The following PTGER3 variants were observed in gnomAD, a reference collection of about 807,000 sequenced individuals.
PTGER3 encodes the protein prostaglandin E receptor 3.
A neutral mutation model predicts 34.7 loss-of-function variants in PTGER3; 22 were observed. The ratio of observed to expected loss-of-function variants is 0.63; its 90% CI spans 0.45 to 0.91. The LOEUF (loss-of-function observed/expected upper bound fraction) is 0.91. Ranked by LOEUF, PTGER3 falls within the 40% of genes least tolerant of loss-of-function variation. The probability of loss-of-function intolerance (pLI) is 0.00; values close to 1 mark genes in which losing one functional copy is unlikely to be tolerated. For synonymous variants in PTGER3, 241 were observed against 230.1 expected (o/e 1.05, Z -0.43); for missense variants, 468 against 519.4 (o/e 0.90, Z 0.96).
At chr1:70,934,972 A>G (rs974077505) in intron 4 of PTGER3, among the ~76,000 whole-genome samples, 1 of 152,180 alleles carries the variant, frequency 6.6e-6, no homozygotes, top group Non-Finnish European at 1.5e-5. Flanking sequence ...TTCAAGGTAA[A>G]TGTTGATCAC....
chr1:70,879,953 C>T (rs562008082), intron 4 of PTGER3, among the ~76,000 whole-genome samples: 35 of 151,868 alleles, frequency 2.3e-4, no homozygotes, highest in African/African-American at 8.0e-4. Flanking sequence ...ATTAGCTGGG[C>T]GTGGTGGTGC....
chr1:70,904,609 CT>C (rs1417911814), intron 4 of PTGER3, among the ~76,000 whole-genome samples: 1 of 152,156 alleles, frequency 6.6e-6, no homozygotes, highest in Non-Finnish European at 1.5e-5. Flanking sequence ...CATTTTTCCC[CT>C]GCCCTAGAGA....
chr1:70,880,409 G>C (rs1318669271), intron 4 of PTGER3, among the ~76,000 whole-genome samples: 1 of 150,584 alleles, frequency 6.6e-6, no homozygotes, highest in Admixed American at 6.6e-5. Flanking sequence ...GAATGCTGAG[G>C]CTGGGCGAGG....
At chr1:70,949,021 A>T (rs1266473863), downstream of PTGER3, among the ~76,000 whole-genome samples, 1 of 152,150 alleles carries the variant, frequency 6.6e-6, no homozygotes, top group Non-Finnish European at 1.5e-5. Flanking sequence ...TAGAGTTTGC[A>T]TTTTATTCAC....
intron 4 of PTGER3, among the ~76,000 whole-genome samples, chr1:70,902,814 A>G (rs927344024): frequency 2.0e-5 from 3 of 152,212 alleles, no homozygotes; most frequent in Non-Finnish European, 4.4e-5. Context: ...GAAATCCACT[A>G]GCAAGTGGCA....
chr1:70,865,596 A>G (rs749254612), intron 4 of PTGER3: 16 of 1,257,414 alleles, frequency 1.3e-5, no homozygotes, highest in Non-Finnish European at 1.7e-5. Context: ...GAGATGAAAG[A>G]TGGTAAGTTA....
chr1:70,894,049 A>G (rs1450382457), intron 4 of PTGER3, among the ~76,000 whole-genome samples: 1 of 152,176 alleles, frequency 6.6e-6, no homozygotes, highest in African/African-American at 2.4e-5. Flanking sequence ...GGCTCACGCC[A>G]GTAATCCCAG....
At chr1:70,948,203 C>G (rs79742773), downstream of PTGER3, among the ~76,000 whole-genome samples, 671 of 152,150 alleles carry the variant, frequency 4.4e-3, 6 homozygotes, top group African/African-American at 0.015. Flanking sequence ...CCACCCAAAT[C>G]TCTGCTTGAA....
intron 2 of PTGER3, chr1:71,011,185 G>C: frequency 1.0e-6 from 1 of 985,394 alleles, no homozygotes; most frequent in Non-Finnish European, 1.2e-6. Context: ...CATGTAGACT[G>C]TAGGAAAAAC....
chr1:70,935,693 A>ATATATATATATATATATATATATATAT (rs1491421864), intron 4 of PTGER3, among the ~76,000 whole-genome samples: 1 of 140,724 alleles, frequency 7.1e-6, no homozygotes, highest in African/African-American at 2.6e-5. Flanking sequence ...ATATATATAT[A>ATATATATATATATATATATATATATAT]TGTTCTGCTT....
chr1:70,996,883 C>T (rs1466986940), intron 2 of PTGER3, among the ~76,000 whole-genome samples: 2 of 152,004 alleles, frequency 1.3e-5, no homozygotes, highest in Non-Finnish European at 1.5e-5. Context: ...AGGATGGTCT[C>T]GATCTCCTGA....
chr1:71,036,105 T>G (rs1185140563), intron 1 of PTGER3, among the ~76,000 whole-genome samples: 1 of 152,250 alleles, frequency 6.6e-6, no homozygotes, highest in Non-Finnish European at 1.5e-5. Context: ...GAATTACTTA[T>G]TCTGGTAAAT....
chr1:70,912,267 C>A (rs964454739), intron 4 of PTGER3, among the ~76,000 whole-genome samples: 2 of 152,030 alleles, frequency 1.3e-5, no homozygotes, highest in African/African-American at 4.8e-5. Context: ...TAAAGCCTAA[C>A]TCTTCCCATC....
chr1:70,954,774 A>T (rs1189324905), intron 2 of PTGER3, among the ~76,000 whole-genome samples: 2 of 152,144 alleles, frequency 1.3e-5, no homozygotes, highest in African/African-American at 2.4e-5. Context: ...TTTTGTTGTT[A>T]CATAGTTGGG....
At chr1:70,994,831 T>C (rs917044671) in intron 2 of PTGER3, among the ~76,000 whole-genome samples, 35 of 152,184 alleles carry the variant, frequency 2.3e-4, no homozygotes, top group African/African-American at 8.2e-4. Context: ...TTTTTTTTGG[T>C]CATTTAAATC....
downstream of PTGER3, among the ~76,000 whole-genome samples, chr1:70,968,934 T>A (rs964678447): frequency 2.6e-5 from 4 of 152,034 alleles, no homozygotes; most frequent in Non-Finnish European, 5.9e-5. Flanking sequence ...GGGCTGAGCA[T>A]GGTGGCTCAC....
intron 1 of PTGER3, among the ~76,000 whole-genome samples, chr1:71,013,818 G>T (rs1267274580): frequency 1.3e-5 from 2 of 151,852 alleles, no homozygotes; most frequent in Non-Finnish European, 2.9e-5. Context: ...GTATATGACT[G>T]TTTCATAACA....
At chr1:71,021,829 G>A (rs1658448359) in intron 1 of PTGER3, among the ~76,000 whole-genome samples, 1 of 151,700 alleles carries the variant, frequency 6.6e-6, no homozygotes, top group African/African-American at 2.4e-5. Context: ...CTAGATGACT[G>A]ACAATAGAGC....
chr1:70,977,061 G>C (rs189256040), intron 2 of PTGER3, among the ~76,000 whole-genome samples: 1 of 152,088 alleles, frequency 6.6e-6, no homozygotes, highest in African/African-American at 2.4e-5. Context: ...TGTGTTACAG[G>C]ATATTTTAAA....
Sources: gnomAD v4.1 joint callset for allele counts (sites outside exome capture counted in the v4.1 genomes callset) on GRCh38, gnomAD v4.1.1 for gene constraint, MANE v1.5 for transcripts, NCBI Gene and HGNC (gene_info 2026-07-23, HGNC 2026-07-21) for gene names.